Variants in MYH15 observed in about 807,000 individuals in gnomAD.
The protein encoded by MYH15 is myosin-15.
MYH15 carries 227 observed loss-of-function variants against 240.5 expected under a neutral mutation model. The ratio of observed to expected loss-of-function variants is 0.94; its 90% CI spans 0.85 to 1.05. The LOEUF is 1.05. Among genes scored for constraint, MYH15 ranks in the 50% least tolerant of loss-of-function variants. The pLI, the probability that MYH15 is intolerant of heterozygous loss-of-function variation, is 0.00. For missense variants in MYH15, 2,217 were observed against 2,247.5 expected (o/e 0.99, Z 0.27); for synonymous variants, 785 against 796.7 (o/e 0.99, Z 0.25).
chr3:108,497,333 T>C (rs2083399291), intron 6 of MYH15, among the ~76,000 whole-genome samples: 2 of 152,030 alleles, frequency 1.3e-5, no homozygotes. Context: ...CAGTATCGAA[T>C]TGAAAAAAGC....
At chr3:108,460,462 G>C in intron 16 of MYH15, 95 bp from the exon 17 acceptor site, 1 of 930,730 alleles carries the variant, frequency 1.1e-6, no homozygotes, top group Non-Finnish European at 1.6e-6. Context: ...AAATTCACCA[G>C]AGTTCTAGAA....
chr3:108,468,850 G>A (rs1415594308), intron 14 of MYH15, among the ~76,000 whole-genome samples: 1 of 152,142 alleles, frequency 6.6e-6, no homozygotes, highest in East Asian at 1.9e-4. Context: ...TATATTATAG[G>A]TGACAATCGC....
chr3:108,438,732 T>G (rs987863749), intron 24 of MYH15, among the ~76,000 whole-genome samples: 4 of 152,172 alleles, frequency 2.6e-5, no homozygotes, highest in African/African-American at 9.7e-5. Flanking sequence ...CCAACTCTGC[T>G]GGTACTTTGA....
upstream of MYH15, among the ~76,000 whole-genome samples, chr3:108,532,860 T>C (rs1014399643): frequency 2.0e-5 from 3 of 152,188 alleles, no homozygotes; most frequent in African/African-American, 7.2e-5. Flanking sequence ...GATGAACTCA[T>C]CAAGAATAAG....
At chr3:108,434,954 T>C (rs1447238122) in intron 25 of MYH15, among the ~76,000 whole-genome samples, 1 of 152,254 alleles carries the variant, frequency 6.6e-6, no homozygotes, top group Non-Finnish European at 1.5e-5. Context: ...TGCCCTCGTT[T>C]ACTAGTAATG....
chr3:108,422,513 C>CA (rs1257238390), intron 27 of MYH15, among the ~76,000 whole-genome samples: 13 of 152,274 alleles, frequency 8.5e-5, no homozygotes, highest in African/African-American at 2.6e-4. Flanking sequence ...GAATGCCTTC[C>CA]ATCTGCCCCA....
In MYH15 at chr3:108,416,864, T is replaced by C. The variant is rs1576220149; in HGVS notation, c.3896A>G (p.Asn1299Ser). 1 of 1,614,112 alleles carries C rather than the reference T, an allele frequency of 6.2e-7. No individual in the cohort carries two copies. Among genetic ancestry groups the C allele is most frequent in the Non-Finnish European group, 8.5e-7 (1 of 1,179,990 alleles). Residue 1299 changes from asparagine to serine, a missense_variant, in exon 29 of 41, where the codon AAC becomes AGC. By Grantham distance (46) the Asn-to-Ser change is conservative. Transcript: ENST00000693548. Reference sequence around the variant, plus strand: ...CAGGTCTTCAATCTGCCGAGTGAAGTTGCTCTTTTCCCTGGAAAGTTGGTT... The same window carrying C: ...CAGGTCTTCAATCTGCCGAGTGAAGCTGCTCTTTTCCCTGGAAAGTTGGTT... ...LINQLSREKS[N>S]FTRQIEDLRG...
chr3:108,480,619 G>A (rs575823723), intron 11 of MYH15, among the ~76,000 whole-genome samples: 5 of 152,284 alleles, frequency 3.3e-5, no homozygotes, highest in Non-Finnish European at 7.4e-5. Context: ...AGATGCTGAA[G>A]CTCCAAATTT....
At chr3:108,499,775 G>A (rs3100640) in intron 4 of MYH15, among the ~76,000 whole-genome samples, 137,023 of 152,236 alleles carry the variant, frequency 0.9, 62,685 homozygotes, top group Middle Eastern at 0.95. Flanking sequence ...TTTAAGAATC[G>A]TTGTGTAATA....
the MYH15 span, among the ~76,000 whole-genome samples, chr3:108,534,717 T>C: frequency 1.8e-5 from 2 of 113,200 alleles, no homozygotes; most frequent in Non-Finnish European, 4.0e-5. Flanking sequence ...AAAAAAAAAA[T>C]TTTTTTTTTT....
upstream of MYH15, among the ~76,000 whole-genome samples, chr3:108,513,170 C>A (rs747695126): frequency 2.0e-5 from 3 of 152,098 alleles, no homozygotes; most frequent in Non-Finnish European, 4.4e-5. Flanking sequence ...GCAAAAGAAT[C>A]AGGAAGCTAT....
Position 108,437,579 on chromosome 3 carries a change from G to A in MYH15, c.3196C>T (p.Arg1066Ter), listed in dbSNP as rs775654821. The part of the protein sequence containing the change: ...ESMENLESSQ[R>*]HLAEELRKKE... The stretch of plus-strand genomic sequence containing the variant: ...TTCCTCAGCTCTTCTGCCAGGTGTC[G>A]CTGGCTGCTTTCCAGGTTCTCCATA... The change falls in exon 25 of 41, where the codon CGA (arginine) becomes TGA (stop). Residue 1066 changes from arginine (R) to a stop codon, truncating the protein, a stop_gained. Transcript: ENST00000693548. LOFTEE classifies it high-confidence loss of function. The A allele has an allele frequency of 2.9e-5, 46 of 1,613,570 alleles. No individual in the cohort carries two copies. The highest frequency in any genetic ancestry group is 4.5e-5 in the East Asian group (2 of 44,850).
intron 37 of MYH15, among the ~76,000 whole-genome samples, chr3:108,389,320 T>C (rs536392088): frequency 6.6e-6 from 1 of 152,296 alleles, no homozygotes; most frequent in East Asian, 1.9e-4. Flanking sequence ...TATGAGAAGC[T>C]TTTTTCTTGA....
chr3:108,447,045 C>T (rs939210438), intron 21 of MYH15, among the ~76,000 whole-genome samples: 3 of 151,852 alleles, frequency 2.0e-5, no homozygotes, highest in African/African-American at 7.3e-5. Flanking sequence ...TAAAAAAGAA[C>T]CACATAGAAA....
chr3:108,424,817 A>C (rs558267076), intron 27 of MYH15, among the ~76,000 whole-genome samples: 35 of 152,218 alleles, frequency 2.3e-4, no homozygotes, highest in Admixed American at 2.2e-3. Context: ...ATGCCAACAA[A>C]TATTTAAAGC....
At chr3:108,497,343 C>T (rs1176588471) in intron 6 of MYH15, among the ~76,000 whole-genome samples, 1 of 151,958 alleles carries the variant, frequency 6.6e-6, no homozygotes, top group Admixed American at 6.6e-5. Flanking sequence ...TTGAAAAAAG[C>T]AAAATAATCA....
Position 108,405,422 on chromosome 3 carries a change from A to G in MYH15, c.4652T>C (p.Leu1551Pro). 6.5e-7 allele frequency: 1 copy of G among 1,529,988 alleles called. No individual in the cohort carries two copies. The highest frequency in any genetic ancestry group is 8.9e-7 in the Non-Finnish European group (1 of 1,123,492). 94.8% of individuals were successfully genotyped at this position (1,529,988 alleles called of 1,614,324 possible). ...TTCCAAGAGTTCAAGCTGGAAATGA[A>G]GAATCTTGCTTTCATTACGTTCCAG... ...GALERNESKILHFQLELLEAK... is the reference protein window; with the variant it reads ...GALERNESKIPHFQLELLEAK... The change falls in exon 33 of 41, where the codon CTT becomes CCT. Residue 1551 changes from leucine (L) to proline (P), a missense_variant. Coordinates refer to ENST00000693548, the MANE Select transcript of MYH15 (RefSeq NM_014981.3).
chr3:108,469,960 C>T, intron 14 of MYH15, 82 bp downstream of exon 14: 1 of 1,391,260 alleles, frequency 7.2e-7, no homozygotes, highest in Non-Finnish European at 9.7e-7. Flanking sequence ...CTGATAGGGC[C>T]TAAGTCCTGA....
intron 6 of MYH15, 140 bp downstream of exon 6, chr3:108,497,912 T>A (rs1380088898): frequency 5.3e-5 from 34 of 638,726 alleles, no homozygotes; most frequent in Non-Finnish European, 7.8e-5. Context: ...AGGAAATATT[T>A]AAAAAAATAC....
Sources: gnomAD v4.1 joint callset for allele counts (sites outside exome capture counted in the v4.1 genomes callset) on GRCh38, gnomAD v4.1.1 for gene constraint, MANE v1.5 for transcripts, NCBI Gene and HGNC (gene_info 2026-07-23, HGNC 2026-07-21) for gene names.